Variants in PSMD1 observed in about 807,000 individuals in gnomAD.
PSMD1 encodes the protein proteasome 26S subunit, non-ATPase 1.
A neutral mutation model predicts 119.0 loss-of-function variants in PSMD1; 18 were observed. That is an observed-to-expected ratio of 0.15 (90% CI 0.10 to 0.22). The LOEUF is 0.22. PSMD1 is among the 10% of genes least tolerant of loss of function. PSMD1 has a pLI of 1.00. For missense variants in PSMD1, 702 were observed against 1,158.5 expected (o/e 0.61, Z 5.72); for synonymous variants, 374 against 396.6 (o/e 0.94, Z 0.68).
At chr2:231,062,485 G>A (rs755487890) in intron 3 of PSMD1, 21 bp from the exon 4 acceptor site, 15 of 1,576,906 alleles carry the variant, frequency 9.5e-6, no homozygotes, top group Non-Finnish European at 1.0e-5. Flanking sequence ...AACTAGACCT[G>A]TACTTCCTAA....
chr2:231,096,477 C>G (rs936563252), intron 16 of PSMD1, among the ~76,000 whole-genome samples: 3 of 152,172 alleles, frequency 2.0e-5, no homozygotes, highest in Non-Finnish European at 4.4e-5. Context: ...ACCCATTGCC[C>G]TTCTGCATGA....
At chr2:231,082,618 T>C (rs1217631137) in intron 12 of PSMD1, among the ~76,000 whole-genome samples, 2 of 152,126 alleles carry the variant, frequency 1.3e-5, no homozygotes, top group Non-Finnish European at 2.9e-5. Context: ...GGCAGGAGAA[T>C]CACTTGAACC....
intron 16 of PSMD1, among the ~76,000 whole-genome samples, chr2:231,107,403 G>C (rs943722677): frequency 5.3e-5 from 8 of 152,306 alleles, no homozygotes; most frequent in Admixed American, 3.3e-4. Context: ...TAAGGTATGA[G>C]TTATCTTCAC....
intron 16 of PSMD1, among the ~76,000 whole-genome samples, chr2:231,098,467 TTCTC>T (rs916329488): frequency 5.3e-5 from 8 of 149,702 alleles, no homozygotes; most frequent in Non-Finnish European, 8.9e-5. Context: ...CTCTGTCTCT[TTCTC>T]TCTCTCTCTG....
At chr2:231,115,928 G>A (rs1451698946) in intron 16 of PSMD1, among the ~76,000 whole-genome samples, 3 of 152,082 alleles carry the variant, frequency 2.0e-5, no homozygotes, top group Non-Finnish European at 4.4e-5. Flanking sequence ...ATTAACATTT[G>A]AGAAGCAGTG....
chr2:231,143,349 C>T (rs1284095493), intron 17 of PSMD1, among the ~76,000 whole-genome samples: 4 of 152,110 alleles, frequency 2.6e-5, no homozygotes, highest in Non-Finnish European at 4.4e-5. Flanking sequence ...CCTGCCTCAG[C>T]CTCCCCAGTA....
chr2:231,102,736 A>C (rs930853017), intron 16 of PSMD1, among the ~76,000 whole-genome samples: 1 of 152,084 alleles, frequency 6.6e-6, no homozygotes, highest in African/African-American at 2.4e-5. Context: ...AAGGGGAGGC[A>C]GAAGAAGTAG....
At chr2:231,112,137 C>T (rs537252045) in intron 16 of PSMD1, among the ~76,000 whole-genome samples, 1 of 152,262 alleles carries the variant, frequency 6.6e-6, no homozygotes, top group Non-Finnish European at 1.5e-5. Context: ...GTCCAACTCT[C>T]CCACCCCACC....
intron 16 of PSMD1, among the ~76,000 whole-genome samples, chr2:231,127,643 C>T (rs1388379524): frequency 6.6e-6 from 1 of 152,162 alleles, no homozygotes; most frequent in African/African-American, 2.4e-5. Context: ...CATGAGCCAC[C>T]GCACCCCACG....
chr2:231,127,793 A>C (rs923670229), intron 16 of PSMD1, among the ~76,000 whole-genome samples: 1 of 152,244 alleles, frequency 6.6e-6, no homozygotes. Flanking sequence ...AAATAATAAG[A>C]AATATAAAAG....
At chr2:231,129,906 T>G (rs1177919461) in intron 16 of PSMD1, among the ~76,000 whole-genome samples, 1 of 152,172 alleles carries the variant, frequency 6.6e-6, no homozygotes, top group Non-Finnish European at 1.5e-5. Flanking sequence ...CAGGCTGGAG[T>G]GCAGTGGCAC....
intron 17 of PSMD1, among the ~76,000 whole-genome samples, chr2:231,141,034 G>T (rs973755725): frequency 6.6e-6 from 1 of 152,068 alleles, no homozygotes; most frequent in East Asian, 1.9e-4. Flanking sequence ...CCTGCTGGGC[G>T]CGGTGGCTCA....
chr2:231,166,099 A>C, intron 23 of PSMD1, 82 bp downstream of exon 23: 1 of 1,318,978 alleles, frequency 7.6e-7, no homozygotes, highest in Non-Finnish European at 1.0e-6. Flanking sequence ...GAGAATGATA[A>C]ATCTCCAAAG....
intron 14 of PSMD1, 89 bp downstream of exon 14, chr2:231,083,852 GA>G: frequency 7.9e-7 from 1 of 1,264,750 alleles, no homozygotes; most frequent in Non-Finnish European, 1.1e-6. Flanking sequence ...GTTCCCATCA[GA>G]ACATGTAGGT....
chr2:231,100,084 G>C (rs1480497250), intron 16 of PSMD1, among the ~76,000 whole-genome samples: 1 of 152,186 alleles, frequency 6.6e-6, no homozygotes, highest in Non-Finnish European at 1.5e-5. Flanking sequence ...CCACCACAAG[G>C]GGGCAGGGCA....
intron 16 of PSMD1, among the ~76,000 whole-genome samples, chr2:231,097,028 T>C (rs1384062213): frequency 6.6e-6 from 1 of 152,224 alleles, no homozygotes; most frequent in Non-Finnish European, 1.5e-5. Flanking sequence ...AAAACAAATT[T>C]AGAACTCATA....
intron 8 of PSMD1, 64 bp downstream of exon 8, chr2:231,075,635 AG>A (rs933771425): frequency 5.4e-6 from 8 of 1,473,482 alleles, no homozygotes; most frequent in Non-Finnish European, 7.5e-6. Context: ...GCTAGAACGC[AG>A]TGGCGCGGTC....
chr2:231,164,579 T>C (rs77013334), intron 21 of PSMD1, among the ~76,000 whole-genome samples: 214 of 152,234 alleles, frequency 1.4e-3, no homozygotes, highest in Non-Finnish European at 2.7e-3. Context: ...AGTTAAGGAA[T>C]AGCCTTGACA....
In PSMD1 at chr2:231,170,535, T is replaced by C. The variant is rs1457652286; in HGVS notation, c.2716-31T>C. The C allele has an allele frequency of 1.4e-5, 22 of 1,572,496 alleles. No homozygotes were observed. Among genetic ancestry groups the C allele is most frequent in the Non-Finnish European group, 1.9e-5 (22 of 1,160,918 alleles). On this transcript the variant is annotated intron_variant, in intron 23 of 24. Transcript: ENST00000308696. This position sits in a 1 kb window ranked among gnomAD's most constrained non-coding sequence, Gnocchi z 4.1. The stretch of plus-strand genomic sequence containing the variant: ...TTGTGGAGCACGCTTGAAATATGAG[T>C]GTACGCTTCTGCACGCCCCTGTGTT...
Sources: gnomAD v4.1 joint callset for allele counts (sites outside exome capture counted in the v4.1 genomes callset) on GRCh38, gnomAD v4.1.1 for gene constraint, Gnocchi (gnomAD v3.1) non-coding constraint, MANE v1.5 for transcripts, NCBI Gene and HGNC (gene_info 2026-07-23, HGNC 2026-07-21) for gene names.